SNX24: variants seen among roughly 807,000 people sequenced by gnomAD.
SNX24 encodes sorting nexin-24.
A neutral mutation model predicts 28.7 loss-of-function variants in SNX24; 22 were observed. The observed-to-expected ratio is 0.77, with a 90% CI of 0.55 to 1.10. The LOEUF (loss-of-function observed/expected upper bound fraction) is 1.10, where lower values mean the gene tolerates loss of function less well. SNX24 is among the 50% of genes least tolerant of loss of function. The pLI is 0.00. For synonymous variants in SNX24, 69 were observed against 71.5 expected, an observed-to-expected ratio of 0.96 and a Z score of 0.18; for missense variants, 221 against 201.1, an observed-to-expected ratio of 1.10 and a Z score of -0.60.
chr5:122,951,192 G>T (rs1258196644), intron 3 of SNX24, among the ~76,000 whole-genome samples: 1 of 150,404 alleles, frequency 6.6e-6, no homozygotes, highest in Admixed American at 6.6e-5. Context: ...GCGTGAACCC[G>T]GGAGATGGAA....
chr5:122,932,242 C>T (rs1304398956), intron 1 of SNX24, among the ~76,000 whole-genome samples: 1 of 152,120 alleles, frequency 6.6e-6, no homozygotes, highest in African/African-American at 2.4e-5. Flanking sequence ...TGAATGGAAT[C>T]CTTAATACAT....
At chr5:123,009,285 G>A (rs1762513128), downstream of SNX24, 1 of 920,518 alleles carries the variant, frequency 1.1e-6, no homozygotes, top group Admixed American at 6.2e-5. Context: ...ACACATATGT[G>A]CACACACAAA....
intron 1 of SNX24, among the ~76,000 whole-genome samples, chr5:122,934,444 C>T (rs2150114822): frequency 6.6e-6 from 1 of 152,298 alleles, no homozygotes; most frequent in South Asian, 2.1e-4. Flanking sequence ...ACTGCAACCT[C>T]TGCCTCCTAG....
At chr5:122,976,865 T>A (rs1197108166) in intron 3 of SNX24, among the ~76,000 whole-genome samples, 2 of 152,240 alleles carry the variant, frequency 1.3e-5, no homozygotes, top group Non-Finnish European at 2.9e-5. Context: ...TGTGAGAGCA[T>A]GGCAGCGGTT....
At chr5:122,895,877 A>T (rs1757180656) in intron 1 of SNX24, among the ~76,000 whole-genome samples, 1 of 152,010 alleles carries the variant, frequency 6.6e-6, no homozygotes, top group Non-Finnish European at 1.5e-5. Context: ...GGCCGGGCAC[A>T]GTGGCTCATG....
At chr5:122,952,487 C>T (rs1157816196) in intron 3 of SNX24, among the ~76,000 whole-genome samples, 1 of 152,160 alleles carries the variant, frequency 6.6e-6, no homozygotes, top group Non-Finnish European at 1.5e-5. Flanking sequence ...TCCACTCATA[C>T]GGTTTGCACT....
At chr5:123,010,541 C>G (rs1380151236), downstream of SNX24, among the ~76,000 whole-genome samples, 1 of 152,138 alleles carries the variant, frequency 6.6e-6, no homozygotes, top group East Asian at 1.9e-4. Context: ...ACCACCTTGG[C>G]CTCCCAAAGT....
At chr5:122,975,584 C>T (rs149713846) in intron 3 of SNX24, among the ~76,000 whole-genome samples, 1 of 151,980 alleles carries the variant, frequency 6.6e-6, no homozygotes, top group African/African-American at 2.4e-5. Flanking sequence ...AATCCTAAGA[C>T]AAAAAGACTG....
chr5:122,954,673 C>T (rs1760126722), intron 3 of SNX24, among the ~76,000 whole-genome samples: 1 of 151,962 alleles, frequency 6.6e-6, no homozygotes. Flanking sequence ...TCTTGTCTTT[C>T]AGCACTTGCA....
chr5:122,891,312 A>G (rs1756957497), intron 1 of SNX24, among the ~76,000 whole-genome samples: 1 of 152,180 alleles, frequency 6.6e-6, no homozygotes, highest in Non-Finnish European at 1.5e-5. Context: ...CTTTAAAGCT[A>G]AGTGTTAAAT....
At chr5:122,898,323 T>C (rs894409263) in intron 1 of SNX24, among the ~76,000 whole-genome samples, 1 of 152,220 alleles carries the variant, frequency 6.6e-6, no homozygotes, top group Non-Finnish European at 1.5e-5. Flanking sequence ...AAGGGGAAAA[T>C]TGTCTGCAAG....
At chr5:123,007,552 C>T (rs752135797) in intron 6 of SNX24, 130 bp from the exon 7 acceptor site, 56 of 848,912 alleles carry the variant, frequency 6.6e-5, no homozygotes, top group Non-Finnish European at 9.9e-5. Context: ...AGGCACATGC[C>T]TGGCGATGCA....
chr5:122,899,322 ATTATG>A (rs1312691033), intron 1 of SNX24, among the ~76,000 whole-genome samples: 14 of 152,234 alleles, frequency 9.2e-5, no homozygotes, highest in Admixed American at 2.0e-4. Flanking sequence ...GTCTTCAGCT[ATTATG>A]GAGTCCATAG....
chr5:123,028,961 T>C, intron 5 of SNX24: 2 of 1,118,976 alleles, frequency 1.8e-6, no homozygotes, highest in Non-Finnish European at 2.6e-6. Flanking sequence ...CTGAGAAAAT[T>C]AAACAAAATG....
chr5:122,949,822 A>T (rs1759853213), intron 3 of SNX24, among the ~76,000 whole-genome samples: 1 of 152,206 alleles, frequency 6.6e-6, no homozygotes, highest in East Asian at 1.9e-4. Context: ...AAAACGAAAA[A>T]CCCTAGCTGA....
chr5:122,845,663 TG>T lies in SNX24; in HGVS notation c.31del (p.Glu11LysfsTer14). 7.0e-7 allele frequency: 1 copy of T among 1,429,406 alleles called. No homozygotes were observed. Among genetic ancestry groups the T allele is most frequent in the Non-Finnish European group, 9.2e-7 (1 of 1,082,266 alleles). The allele number at this position is 1,429,406 out of a possible 1,614,324, so 88.5% of individuals were successfully genotyped here. On this transcript the variant is annotated frameshift_variant, in exon 1 of 7. Coordinates refer to ENST00000261369, the MANE Select transcript of SNX24 (RefSeq NM_014035.4). LOFTEE classifies it high-confidence loss of function. MEVYIPSFRY[E>X]ESDLERGYTV... ...AGGTCTACATCCCGTCCTTTCGCTA[TG>T]AAGAGAGCGACCTGGAGCGGGGATA... is the stretch of plus-strand genomic sequence containing the variant.
chr5:122,981,045 C>G (rs1761374649), intron 3 of SNX24, among the ~76,000 whole-genome samples: 1 of 152,030 alleles, frequency 6.6e-6, no homozygotes, highest in African/African-American at 2.4e-5. Flanking sequence ...AACCAAGCTC[C>G]CAGCACTCCA....
At chr5:123,001,501 C>A in intron 5 of SNX24, 64 bp downstream of exon 5, 2 of 1,129,346 alleles carry the variant, frequency 1.8e-6, no homozygotes, top group Non-Finnish European at 2.6e-6. Flanking sequence ...TAATCACCTA[C>A]GATGTGTTTC....
intron 3 of SNX24, among the ~76,000 whole-genome samples, chr5:122,999,706 A>C (rs1427178994): frequency 1.3e-5 from 2 of 152,154 alleles, no homozygotes. Flanking sequence ...AAGAACAGAT[A>C]AACTGCAGGA....
Sources: allele counts gnomAD v4.1 joint callset (sites outside exome capture counted in the v4.1 genomes callset), GRCh38; gene constraint gnomAD v4.1.1; transcripts MANE v1.5; gene names NCBI Gene and HGNC (gene_info 2026-07-23, HGNC 2026-07-21).